The following TRPC1 variants were observed in gnomAD, a reference collection of about 807,000 sequenced individuals.
The protein encoded by TRPC1 is short transient receptor potential channel 1.
A neutral mutation model predicts 88.2 loss-of-function variants in TRPC1; 42 were observed. The ratio of observed to expected loss-of-function variants is 0.48; its 90% CI spans 0.37 to 0.62. TRPC1 has a LOEUF of 0.62. Ranked by LOEUF, TRPC1 falls within the 20% of genes least tolerant of loss-of-function variation. The probability of loss-of-function intolerance (pLI) is 0.00; values close to 1 mark genes in which losing one functional copy is unlikely to be tolerated. For missense variants in TRPC1, 699 were observed against 957.3 expected (o/e 0.73, Z 3.56); for synonymous variants, 288 against 331.8 (o/e 0.87, Z 1.43).
chr3:142,753,283 G>A (rs1480412670), intron 4 of TRPC1, among the ~76,000 whole-genome samples: 1 of 152,088 alleles, frequency 6.6e-6, no homozygotes, highest in Non-Finnish European at 1.5e-5. Flanking sequence ...AGGTATTTTA[G>A]GCAGAAAGTA....
intron 9 of TRPC1, among the ~76,000 whole-genome samples, chr3:142,800,078 G>A (rs886584795): frequency 1.3e-5 from 2 of 152,104 alleles, no homozygotes; most frequent in African/African-American, 4.8e-5. Flanking sequence ...ACTGTCATAA[G>A]GGATTGAGTT....
chr3:142,743,734 A>C (rs553848205), intron 3 of TRPC1, 148 bp downstream of exon 3: 2 of 480,260 alleles, frequency 4.2e-6, no homozygotes, highest in African/African-American at 2.0e-5. Context: ...AAAAGTGGAC[A>C]CTTGCAGGAA....
intron 4 of TRPC1, among the ~76,000 whole-genome samples, chr3:142,753,726 CAA>C (rs1198639773): frequency 6.9e-5 from 6 of 87,548 alleles, no homozygotes; most frequent in East Asian, 3.3e-4. Flanking sequence ...GACTCTGCCT[CAA>C]AAAAAAAAAA....
intron 2 of TRPC1, among the ~76,000 whole-genome samples, chr3:142,739,787 G>A (rs1934275343): frequency 6.6e-6 from 1 of 152,126 alleles, no homozygotes; most frequent in Non-Finnish European, 1.5e-5. Flanking sequence ...AGTTTTTGTA[G>A]TAATCTACAT....
chr3:142,735,974 C>A lies in TRPC1; in HGVS notation c.173-405C>A, dbSNP rs529478238. 7.2e-5 allele frequency among the ~76,000 whole-genome samples: 11 copies of A among 152,092 alleles called. No homozygotes were observed. The South Asian group carries it at 2.3e-3, about 32-fold the overall frequency. On this transcript the variant is annotated intron_variant, in intron 1 of 12. Transcript: ENST00000476941. ...AACTCTATGTTATGTAAGTAAATAT[C>A]TATGTATATTTGAGGTATAAAACTT...
At chr3:142,799,116 T>G (rs950535648) in intron 9 of TRPC1, among the ~76,000 whole-genome samples, 2 of 152,134 alleles carry the variant, frequency 1.3e-5, no homozygotes, top group Non-Finnish European at 2.9e-5. Context: ...TTAATAGCAT[T>G]TGGTGCTGTT....
At chr3:142,740,563 AG>A (rs948792645) in intron 2 of TRPC1, among the ~76,000 whole-genome samples, 2 of 152,254 alleles carry the variant, frequency 1.3e-5, no homozygotes. Flanking sequence ...TTTAATAAAG[AG>A]CATTACATGG....
intron 8 of TRPC1, among the ~76,000 whole-genome samples, chr3:142,791,819 TTTTA>T (rs1364637216): frequency 2.0e-5 from 3 of 152,020 alleles, no homozygotes; most frequent in African/African-American, 7.2e-5. Flanking sequence ...AACTATATAT[TTTTA>T]TTTAGAATTT....
At chr3:142,763,983 T>TATATATATATATATATATACACAC (rs1441314374) in intron 4 of TRPC1, among the ~76,000 whole-genome samples, 2 of 74,322 alleles carry the variant, frequency 2.7e-5, no homozygotes, top group Non-Finnish European at 5.3e-5. Flanking sequence ...TATATATATA[T>TATATATATATATATATATACACAC]ACACATACAT....
chr3:142,790,458 C>G (rs1332624900), intron 7 of TRPC1, among the ~76,000 whole-genome samples: 1 of 152,000 alleles, frequency 6.6e-6, no homozygotes, highest in Non-Finnish European at 1.5e-5. Context: ...AGGCTGAAAC[C>G]TGGTACTAGG....
At chr3:142,755,027 A>G (rs1354298596) in intron 4 of TRPC1, among the ~76,000 whole-genome samples, 3 of 152,166 alleles carry the variant, frequency 2.0e-5, no homozygotes, top group South Asian at 4.1e-4. Context: ...TTCAATCCCA[A>G]TTTTCAATCC....
rs1421554715 is a variant in TRPC1, at chr3:142,778,813, G to GTTCCAGA, written c.764+1050_764+1051insTTCCAGA. The stretch of plus-strand genomic sequence containing the variant: ...AGCAGTACTTAATGTGTTCTTCATA[G>GTTCCAGA]ACCTGAGTTCCAGAAACTGAAAAAA... On this transcript the variant is annotated intron_variant, in intron 5 of 12. Transcript: ENST00000476941. Among the ~76,000 whole-genome samples, 307 of 152,206 alleles carry GTTCCAGA rather than the reference G, an allele frequency of 2.0e-3. 1 individual carries two copies. Among genetic ancestry groups the GTTCCAGA allele is most frequent in the African/African-American group, 7.2e-3 (299 of 41,548 alleles).
chr3:142,794,095 C>A (rs60701561), intron 9 of TRPC1: 10,699 of 159,610 alleles, frequency 0.067, 1,222 homozygotes, highest in African/African-American at 0.24. Flanking sequence ...TAACCTCATA[C>A]CTGTTTTTCA....
At chr3:142,805,923 T>G in intron 12 of TRPC1, 85 bp from the exon 13 acceptor site, 1 of 1,192,050 alleles carries the variant, frequency 8.4e-7, no homozygotes, top group Non-Finnish European at 1.2e-6. Context: ...TAAAGATGTG[T>G]TTGTGTCTGT....
At chr3:142,793,845 T>A in intron 9 of TRPC1, 1 of 984,932 alleles carries the variant, frequency 1.0e-6, no homozygotes, top group Non-Finnish European at 1.2e-6. Flanking sequence ...AACAGGGATA[T>A]GAAAATAAAA....
chr3:142,767,911 G>GT lies in TRPC1; in HGVS notation c.633-9711dup, dbSNP rs138611413. On this transcript the variant is annotated intron_variant, in intron 4 of 12. Coordinates refer to ENST00000476941, the MANE Select transcript of TRPC1 (RefSeq NM_001251845.2). The surrounding 1 kb of genome is among the most constrained non-coding windows in gnomAD (Gnocchi z 5.1). ...TTTTATTGATGAATTGTGTGTGTAT[G>GT]TTTTTTTTTTAACTTTTCTGATGGT... is the stretch of plus-strand genomic sequence containing the variant. Among the ~76,000 whole-genome samples, 38 of 149,264 alleles carry GT rather than the reference G, an allele frequency of 2.5e-4. 1 individual carries two copies. The highest frequency in any genetic ancestry group is 1.1e-3 in the Admixed American group (16 of 14,916).
chr3:142,745,389 T>C (rs1934505717), intron 3 of TRPC1, among the ~76,000 whole-genome samples: 1 of 152,098 alleles, frequency 6.6e-6, no homozygotes, highest in Admixed American at 6.6e-5. Context: ...ACCTACTTAG[T>C]AAAATAACCT....
At chr3:142,749,811 A>G (rs906075087) in intron 4 of TRPC1, among the ~76,000 whole-genome samples, 2 of 152,212 alleles carry the variant, frequency 1.3e-5, no homozygotes, top group Admixed American at 1.3e-4. Flanking sequence ...TGACAAAAGC[A>G]AGCAACGGGG....
chr3:142,733,692 G>A (rs80092513), intron 1 of TRPC1, among the ~76,000 whole-genome samples: 1,815 of 152,220 alleles, frequency 0.012, 46 homozygotes, highest in East Asian at 0.09. Flanking sequence ...TCTGTCTCTA[G>A]CAATATGGTT....
Sources: gnomAD v4.1 joint callset for allele counts (sites outside exome capture counted in the v4.1 genomes callset) on GRCh38, gnomAD v4.1.1 for gene constraint, Gnocchi (gnomAD v3.1) non-coding constraint, MANE v1.5 for transcripts, NCBI Gene and HGNC (gene_info 2026-07-23, HGNC 2026-07-21) for gene names.